TRPM3: variants seen among roughly 807,000 people sequenced by gnomAD.
The protein encoded by TRPM3 is long transient receptor potential channel 3.
Under a neutral mutation model 181.2 loss-of-function variants are expected in TRPM3, and 77 were observed. The ratio of observed to expected loss-of-function variants is 0.42; its 90% CI spans 0.35 to 0.51. TRPM3 has a LOEUF of 0.51. Among genes scored for constraint, TRPM3 ranks in the 20% least tolerant of loss-of-function variants. The pLI, the probability that TRPM3 is intolerant of heterozygous loss-of-function variation, is 0.01. For missense variants in TRPM3, 1,759 were observed against 2,196.7 expected, an observed-to-expected ratio of 0.80 and a Z score of 3.98; for synonymous variants, 745 against 796.4, an observed-to-expected ratio of 0.94 and a Z score of 1.09.
At chr9:71,144,102 C>T in intron 1 of TRPM3, among the ~76,000 whole-genome samples, 1 of 152,162 alleles carries the variant, frequency 6.6e-6, no homozygotes, top group South Asian at 2.1e-4. Flanking sequence ...TATGTCTTAA[C>T]ACAACGACTT....
At chr9:70,617,237 G>C (rs1172653782) in intron 17 of TRPM3, among the ~76,000 whole-genome samples, 9 of 152,234 alleles carry the variant, frequency 5.9e-5, no homozygotes, top group Admixed American at 5.9e-4. Flanking sequence ...CTGAGAGCCA[G>C]CATGACTCCC....
intron 1 of TRPM3, among the ~76,000 whole-genome samples, chr9:71,412,133 A>G (rs1182896331): frequency 2.6e-5 from 4 of 152,190 alleles, no homozygotes; most frequent in African/African-American, 4.8e-5. Context: ...TAGACCTAAA[A>G]CCATAAAAAC....
intron 1 of TRPM3, among the ~76,000 whole-genome samples, chr9:71,371,366 T>C (rs1222812975): frequency 6.6e-6 from 1 of 152,114 alleles, no homozygotes; most frequent in Non-Finnish European, 1.5e-5. Flanking sequence ...CATTCACAAT[T>C]AATGGGAGGA....
intron 1 of TRPM3, among the ~76,000 whole-genome samples, chr9:71,354,704 T>C (rs1458755883): frequency 1.4e-4 from 21 of 152,236 alleles, no homozygotes; most frequent in Non-Finnish European, 2.9e-5. Flanking sequence ...AAATGTCTTA[T>C]TCTACTTATT....
chr9:70,699,160 G>C (rs2071578504), intron 8 of TRPM3, among the ~76,000 whole-genome samples: 1 of 152,046 alleles, frequency 6.6e-6, no homozygotes, highest in South Asian at 2.1e-4. Context: ...CTGCTTTTGG[G>C]GAGAAATAGA....
intron 1 of TRPM3, among the ~76,000 whole-genome samples, chr9:71,378,823 C>CT (rs1334310530): frequency 6.6e-6 from 1 of 151,870 alleles, no homozygotes; most frequent in East Asian, 1.9e-4. Flanking sequence ...TAAGTCCAGC[C>CT]TTTATACTAA....
intron 1 of TRPM3, among the ~76,000 whole-genome samples, chr9:71,236,042 T>A (rs1364373420): frequency 6.6e-6 from 1 of 152,246 alleles, no homozygotes; most frequent in African/African-American, 2.4e-5. Flanking sequence ...AACAAAAGTT[T>A]CAGTAGCTCC....
At chr9:71,059,011 ATTTTTTTTTTTTTTT>A (rs1162577364) in intron 1 of TRPM3, among the ~76,000 whole-genome samples, 3 of 52,638 alleles carry the variant, frequency 5.7e-5, no homozygotes, top group Admixed American at 3.8e-4. Flanking sequence ...TTGTTTGTTC[ATTTTTTTTTTTTTTT>A]TTTTTTTTTT....
intron 1 of TRPM3, among the ~76,000 whole-genome samples, chr9:71,181,064 A>G (rs1382740506): frequency 6.6e-6 from 1 of 152,140 alleles, no homozygotes; most frequent in African/African-American, 2.4e-5. Flanking sequence ...GGACCCAGAC[A>G]CTTCACGAGT....
intron 19 of TRPM3, among the ~76,000 whole-genome samples, chr9:70,605,026 G>A (rs1390497625): frequency 1.3e-5 from 2 of 149,344 alleles, no homozygotes; most frequent in Non-Finnish European, 3.0e-5. Context: ...GTGCGATCTC[G>A]GCTTTCTGCA....
intron 1 of TRPM3, among the ~76,000 whole-genome samples, chr9:71,022,324 G>C (rs2097853569): frequency 6.6e-6 from 1 of 152,274 alleles, no homozygotes; most frequent in South Asian, 2.1e-4. Context: ...AATGATGCTA[G>C]AGTAATAGGA....
chr9:71,313,243 A>C (rs1016870238), intron 1 of TRPM3, among the ~76,000 whole-genome samples: 1 of 151,886 alleles, frequency 6.6e-6, no homozygotes, highest in East Asian at 1.9e-4. Flanking sequence ...CTATTAAGAC[A>C]AAACACTAAA....
intron 20 of TRPM3, 119 bp downstream of exon 20, chr9:70,603,223 A>C: frequency 2.4e-6 from 3 of 1,233,514 alleles, no homozygotes; most frequent in South Asian, 1.5e-5. Context: ...GCTGTGGTAG[A>C]GTTAGAGAAA....
chr9:70,690,024 T>G (rs1254971410), intron 8 of TRPM3, among the ~76,000 whole-genome samples: 1 of 152,162 alleles, frequency 6.6e-6, no homozygotes, highest in Non-Finnish European at 1.5e-5. Context: ...GTGATTTATA[T>G]GTATGCCACG....
chr9:70,842,568 G>A (rs1025987470), intron 5 of TRPM3, among the ~76,000 whole-genome samples: 1 of 152,072 alleles, frequency 6.6e-6, no homozygotes, highest in Non-Finnish European at 1.5e-5. Context: ...GCAACTCTCA[G>A]GAGCTAGGTG....
At chr9:70,800,610 A>T (rs1445449044) in intron 6 of TRPM3, among the ~76,000 whole-genome samples, 1 of 152,186 alleles carries the variant, frequency 6.6e-6, no homozygotes, top group Admixed American at 6.5e-5. Context: ...GATGATGAGG[A>T]TGAAGACCTT....
intron 1 of TRPM3, among the ~76,000 whole-genome samples, chr9:71,348,689 C>T (rs958850629): frequency 1.3e-5 from 2 of 151,732 alleles, no homozygotes; most frequent in Admixed American, 1.3e-4. Context: ...CTCAGCCTCC[C>T]GAGTACCTGG....
At chr9:71,013,924 T>A (rs1218043518) in intron 1 of TRPM3, among the ~76,000 whole-genome samples, 4 of 152,004 alleles carry the variant, frequency 2.6e-5, no homozygotes, top group African/African-American at 9.7e-5. Flanking sequence ...TCTGCCACAT[T>A]CATTCCTGCT....
At chr9:71,066,283 AT>A (rs1317764886) in intron 1 of TRPM3, among the ~76,000 whole-genome samples, 2 of 152,212 alleles carry the variant, frequency 1.3e-5, no homozygotes, top group African/African-American at 4.8e-5. Context: ...TTATTCAAAT[AT>A]CGGCAAACTT....
Sources: gnomAD v4.1 joint callset for allele counts (sites outside exome capture counted in the v4.1 genomes callset) on GRCh38, gnomAD v4.1.1 for gene constraint, MANE v1.5 for transcripts, NCBI Gene and HGNC (gene_info 2026-07-23, HGNC 2026-07-21) for gene names.